The following CNTN5 variants were observed in gnomAD, a reference collection of about 807,000 sequenced individuals.
The protein encoded by CNTN5 is contactin 5.
In CNTN5, 77 loss-of-function variants were observed where a neutral mutation model predicts 129.1. The observed-to-expected ratio is 0.60, with a 90% CI of 0.50 to 0.72. CNTN5 has a LOEUF of 0.72. Ranked by LOEUF, CNTN5 falls within the 30% of genes least tolerant of loss-of-function variation. The pLI is 0.00. For synonymous variants in CNTN5, 509 were observed against 465.6 expected (o/e 1.09, Z -1.20); for missense variants, 1,478 against 1,328.8 (o/e 1.11, Z -1.75).
intron 8 of CNTN5, among the ~76,000 whole-genome samples, chr11:99,982,185 T>C (rs1227499634): frequency 6.6e-6 from 1 of 152,204 alleles, no homozygotes; most frequent in African/African-American, 2.4e-5. Flanking sequence ...ATTTAGAAGA[T>C]AGTCTGAACA....
intron 13 of CNTN5, among the ~76,000 whole-genome samples, chr11:100,161,898 C>A (rs1477247): frequency 0.65 from 97,110 of 148,444 alleles, 32,624 homozygotes; most frequent in African/African-American, 0.82. Flanking sequence ...AAACAAAAAA[C>A]ACACCTAAGC....
chr11:99,154,023 G>A (rs1212295554), intron 1 of CNTN5, among the ~76,000 whole-genome samples: 1 of 152,084 alleles, frequency 6.6e-6, no homozygotes, highest in East Asian at 1.9e-4. Context: ...TGTTGCATTG[G>A]AGGGTCTGAG....
chr11:99,775,944 C>A (rs916700401), intron 3 of CNTN5, among the ~76,000 whole-genome samples: 1 of 151,932 alleles, frequency 6.6e-6, no homozygotes, highest in Non-Finnish European at 1.5e-5. Flanking sequence ...TAATTTACAT[C>A]CTCTATGCTT....
intron 2 of CNTN5, among the ~76,000 whole-genome samples, chr11:99,369,739 G>C (rs1504712): frequency 0.63 from 96,205 of 151,930 alleles, 32,128 homozygotes; most frequent in African/African-American, 0.86. Flanking sequence ...GGTGGAAGTT[G>C]ATTATTTTAT....
At chr11:100,021,009 G>A (rs1039449658) in intron 9 of CNTN5, among the ~76,000 whole-genome samples, 7 of 151,982 alleles carry the variant, frequency 4.6e-5, no homozygotes, top group Non-Finnish European at 8.8e-5. Context: ...AGCAATTTAC[G>A]AATTCAATGC....
intron 3 of CNTN5, among the ~76,000 whole-genome samples, chr11:99,737,113 C>A (rs1482368437): frequency 6.6e-6 from 1 of 151,570 alleles, no homozygotes; most frequent in Non-Finnish European, 1.5e-5. Flanking sequence ...AACTCTTTAA[C>A]CACCCTGTAA....
At position 99,078,091 on chromosome 11, in the gene CNTN5, G is replaced by T. The variant is rs191927530; in HGVS notation, c.-210+56821G>T. Reference sequence around the variant, plus strand: ...TTCAATTCAATTATTAATTAATGGGGATTTAAAAATTATCTAAAAATGAAC... The same window carrying T: ...TTCAATTCAATTATTAATTAATGGGTATTTAAAAATTATCTAAAAATGAAC... On this transcript the variant is annotated intron_variant, in intron 1 of 24. Transcript: ENST00000524871. Among the ~76,000 whole-genome samples the T allele has an allele frequency of 7.8e-4, 119 of 152,034 alleles. No homozygotes were observed. In the East Asian group the frequency reaches 0.019, roughly 24 times the overall value.
intron 3 of CNTN5, among the ~76,000 whole-genome samples, chr11:99,684,743 G>A (rs140696156): frequency 4.0e-4 from 60 of 151,686 alleles, no homozygotes; most frequent in South Asian, 2.5e-3. Flanking sequence ...CGTATGTCTT[G>A]TCATAAAACT....
At chr11:99,616,982 G>A (rs762244702) in intron 3 of CNTN5, among the ~76,000 whole-genome samples, 14 of 152,218 alleles carry the variant, frequency 9.2e-5, no homozygotes, top group Non-Finnish European at 1.9e-4. Flanking sequence ...GTGGTGGCAC[G>A]TGCCTGTAAT....
intron 21 of CNTN5, among the ~76,000 whole-genome samples, chr11:100,331,108 CAT>C (rs1440994540): frequency 1.3e-5 from 2 of 151,982 alleles, no homozygotes; most frequent in East Asian, 3.9e-4. Flanking sequence ...CATGAGGACT[CAT>C]ATAAACTTAA....
intron 2 of CNTN5, among the ~76,000 whole-genome samples, chr11:99,488,707 C>G (rs1006536085): frequency 6.6e-6 from 1 of 152,110 alleles, no homozygotes; most frequent in Non-Finnish European, 1.5e-5. Flanking sequence ...GTATACACTG[C>G]AAGAGAAAAC....
intron 2 of CNTN5, among the ~76,000 whole-genome samples, chr11:99,482,223 A>T (rs1945629232): frequency 1.3e-5 from 2 of 152,218 alleles, no homozygotes; most frequent in African/African-American, 4.8e-5. Context: ...ATTCCTATTA[A>T]GTATGTAACC....
chr11:99,403,781 C>A (rs1191223129), intron 2 of CNTN5, among the ~76,000 whole-genome samples: 1 of 152,086 alleles, frequency 6.6e-6, no homozygotes, highest in Non-Finnish European at 1.5e-5. Flanking sequence ...AACATATGGG[C>A]TGTCCTTGAT....
At chr11:99,673,545 G>T (rs1245839137) in intron 3 of CNTN5, among the ~76,000 whole-genome samples, 1 of 152,004 alleles carries the variant, frequency 6.6e-6, no homozygotes, top group Admixed American at 6.6e-5. Context: ...CATCACCCAG[G>T]TATTAAGCCT....
chr11:100,291,762 T>TAA (rs1254615392), intron 18 of CNTN5, among the ~76,000 whole-genome samples: 3 of 39,488 alleles, frequency 7.6e-5, no homozygotes, highest in African/African-American at 1.3e-4. Flanking sequence ...AATAAATAAA[T>TAA]AAATAAATAA....
intron 13 of CNTN5, among the ~76,000 whole-genome samples, chr11:100,117,586 A>G (rs1448418783): frequency 6.6e-6 from 1 of 151,930 alleles, no homozygotes; most frequent in South Asian, 2.1e-4. Context: ...GTCACTTCCA[A>G]TATCTCACTC....
At chr11:100,231,736 T>G (rs193226993) in intron 16 of CNTN5, among the ~76,000 whole-genome samples, 1 of 152,312 alleles carries the variant, frequency 6.6e-6, no homozygotes, top group African/African-American at 2.4e-5. Context: ...ACATTTAGGG[T>G]TCTCCATTCT....
chr11:100,297,343 A>G (rs1951118848), intron 18 of CNTN5, among the ~76,000 whole-genome samples: 1 of 151,450 alleles, frequency 6.6e-6, no homozygotes, highest in Non-Finnish European at 1.5e-5. Context: ...AATTTACCTA[A>G]TCATTATTAG....
At chr11:100,165,763 T>C (rs921749471) in intron 13 of CNTN5, among the ~76,000 whole-genome samples, 1 of 151,816 alleles carries the variant, frequency 6.6e-6, no homozygotes, top group African/African-American at 2.4e-5. Flanking sequence ...GTTTATTTGA[T>C]GCTTGTTTGG....
Sources: gnomAD v4.1 joint callset for allele counts (sites outside exome capture counted in the v4.1 genomes callset) on GRCh38, gnomAD v4.1.1 for gene constraint, MANE v1.5 for transcripts, NCBI Gene and HGNC (gene_info 2026-07-23, HGNC 2026-07-21) for gene names.